ATP6V1C2: variants seen among roughly 807,000 people sequenced by gnomAD.
ATP6V1C2 encodes ATPase H+ transporting V1 subunit C2, also known as V-type proton ATPase subunit C 2.
In ATP6V1C2, 45 loss-of-function variants were observed where a neutral mutation model predicts 56.8. That is an observed-to-expected ratio of 0.79 (90% CI 0.62 to 1.02). The LOEUF is 1.02. Among genes scored for constraint, ATP6V1C2 ranks in the 50% least tolerant of loss-of-function variants. ATP6V1C2 has a pLI of 0.00. For missense variants in ATP6V1C2, 463 were observed against 519.7 expected, an observed-to-expected ratio of 0.89 and a Z score of 1.06; for synonymous variants, 220 against 201.3, an observed-to-expected ratio of 1.09 and a Z score of -0.79.
intron 3 of ATP6V1C2, among the ~76,000 whole-genome samples, chr2:10,740,877 G>A (rs974083988): frequency 4.6e-5 from 7 of 152,294 alleles, no homozygotes; most frequent in East Asian, 1.9e-4. Context: ...AGTAGAGACG[G>A]GGTTTCACCA....
chr2:10,722,759 C>T (rs1259361626), intron 1 of ATP6V1C2, 65 bp from the exon 2 acceptor site: 4 of 1,516,638 alleles, frequency 2.6e-6, no homozygotes, highest in African/African-American at 1.4e-5. Context: ...AGTGGTGAGG[C>T]GGGGATATCT....
chr2:10,758,649 G>C (rs978810309), intron 4 of ATP6V1C2, among the ~76,000 whole-genome samples: 1 of 151,918 alleles, frequency 6.6e-6, no homozygotes, highest in Admixed American at 6.6e-5. Flanking sequence ...AACCAGGCCA[G>C]AGAGACCTTT....
chr2:10,782,527 C>T, intron 13 of ATP6V1C2, 152 bp downstream of exon 13: 1 of 883,238 alleles, frequency 1.1e-6, no homozygotes. Context: ...TGGTAAGACC[C>T]TGTCTCTACT....
intron 2 of ATP6V1C2, 56 bp downstream of exon 2, chr2:10,723,034 G>C: frequency 6.3e-7 from 1 of 1,598,886 alleles, no homozygotes; most frequent in Non-Finnish European, 8.5e-7. Context: ...GGAGACAGGA[G>C]AGGGAGACAG....
At chr2:10,778,776 T>C in intron 12 of ATP6V1C2, 107 bp downstream of exon 12, 2 of 1,067,054 alleles carry the variant, frequency 1.9e-6, no homozygotes, top group Non-Finnish European at 2.9e-6. Flanking sequence ...TCCACCCGTC[T>C]CCTTTCTGAG....
intron 10 of ATP6V1C2, among the ~76,000 whole-genome samples, chr2:10,776,336 G>A (rs946741534): frequency 6.6e-6 from 1 of 152,118 alleles, no homozygotes; most frequent in African/African-American, 2.4e-5. Context: ...CACAGCAAGT[G>A]AGACACACCT....
In ATP6V1C2 at chr2:10,784,459, T is replaced by A. The variant is rs1183943755; in HGVS notation, c.*1196T>A. On this transcript the variant is annotated 3_prime_UTR_variant, in exon 14 of 14. Coordinates refer to ENST00000272238, the MANE Select transcript of ATP6V1C2 (RefSeq NM_001039362.2). ...TCCAGGTTCTCCTCAGTCTGACTCC[T>A]ACCCTGACCTTCGTACCTATGATTA... 2 of 636,302 alleles carry A rather than the reference T, an allele frequency of 3.1e-6. No individual in the cohort carries two copies. The highest frequency in any genetic ancestry group is 3.2e-5 in the Admixed American group (1 of 30,902). 39.4% of individuals were successfully genotyped at this position (636,302 alleles called of 1,614,324 possible).
rs902131 is a variant in ATP6V1C2, at chr2:10,773,444, C to A, written c.638+834C>A. ...GTTGCCCAGGCTGGAGTGCAGTGGC[C>A]CGAGCTCAGCTCACTGCAACCTCCG... On this transcript the variant is annotated intron_variant, in intron 8 of 13. Transcript: ENST00000272238. Among the ~76,000 whole-genome samples the A allele has an allele frequency of 6.5e-3, 987 of 152,302 alleles. 35 individuals are homozygous for A. Among genetic ancestry groups the A allele is most frequent in the Admixed American group, 0.054 (821 of 15,306 alleles).
At chr2:10,734,572 G>A (rs1662152549) in intron 3 of ATP6V1C2, among the ~76,000 whole-genome samples, 1 of 152,178 alleles carries the variant, frequency 6.6e-6, no homozygotes, top group South Asian at 2.1e-4. Flanking sequence ...ACCTGCAAGA[G>A]TTCCAAATGA....
intron 3 of ATP6V1C2, among the ~76,000 whole-genome samples, chr2:10,752,500 T>C (rs1181621234): frequency 1.3e-5 from 2 of 152,224 alleles, no homozygotes; most frequent in Admixed American, 6.5e-5. Flanking sequence ...CCTGAGGCAA[T>C]GATTTGGATC....
chr2:10,730,053 G>A (rs903742427), intron 3 of ATP6V1C2, among the ~76,000 whole-genome samples: 1 of 152,192 alleles, frequency 6.6e-6, no homozygotes, highest in Non-Finnish European at 1.5e-5. Context: ...GTGGAATGGT[G>A]ATATGGCTGC....
rs1471444396 is a variant in ATP6V1C2, at chr2:10,763,022, C to T, written c.284-1309C>T. On this transcript the variant is annotated intron_variant, in intron 4 of 13. Transcript: ENST00000272238. This position sits in a 1 kb window ranked among gnomAD's most constrained non-coding sequence, Gnocchi z 4.2. ...TCTTGTTTGGTGACCCCACTGGGCGCTGCTGTTGGGGTTGGAGGAATCTCA... is the reference window on the plus strand; with the variant it reads ...TCTTGTTTGGTGACCCCACTGGGCGTTGCTGTTGGGGTTGGAGGAATCTCA... 1.3e-5 allele frequency among the ~76,000 whole-genome samples: 2 copies of T among 152,170 alleles called. No homozygotes were observed. The highest frequency in any genetic ancestry group is 2.4e-5 in the African/African-American group (1 of 41,436).
chr2:10,769,133 G>A (rs1039717412), intron 6 of ATP6V1C2, among the ~76,000 whole-genome samples: 1 of 152,252 alleles, frequency 6.6e-6, no homozygotes, highest in Admixed American at 6.5e-5. Flanking sequence ...CTGCACGGAG[G>A]GCCCCCAGGG....
chr2:10,771,699 G>T, intron 6 of ATP6V1C2, 140 bp from the exon 7 acceptor site: 1 of 703,088 alleles, frequency 1.4e-6, no homozygotes, highest in Non-Finnish European at 2.6e-6. Flanking sequence ...GAGAATTGCT[G>T]TGTTCTCCTA....
chr2:10,776,686 C>T (rs983499674), intron 10 of ATP6V1C2, among the ~76,000 whole-genome samples: 11 of 152,238 alleles, frequency 7.2e-5, no homozygotes, highest in African/African-American at 2.7e-4. Context: ...AGCCTCCACA[C>T]CAGGGAGGCC....
chr2:10,749,516 A>G (rs192843476), intron 3 of ATP6V1C2, among the ~76,000 whole-genome samples: 10 of 152,300 alleles, frequency 6.6e-5, no homozygotes, highest in Non-Finnish European at 1.5e-5. Flanking sequence ...CAGACATCAG[A>G]TTGGCAGAGA....
In ATP6V1C2 at chr2:10,780,548, T is replaced by C. The variant is rs2969882; in HGVS notation, c.1062-1695T>C. On this transcript the variant is annotated intron_variant, in intron 12 of 13. Transcript: ENST00000272238. This position sits in a 1 kb window ranked among gnomAD's most constrained non-coding sequence, Gnocchi z 4.1. Reference sequence around the variant, plus strand: ...GCCTGTACCGACACGGATGGCAGCATTGGGTTGGAGGGTGTACCCAGCTCC... The same window carrying C: ...GCCTGTACCGACACGGATGGCAGCACTGGGTTGGAGGGTGTACCCAGCTCC... Among the ~76,000 whole-genome samples the C allele has an allele frequency of 0.26, 39,618 of 152,152 alleles. 5,791 individuals carry two copies. The highest frequency in any genetic ancestry group is 0.4 in the East Asian group (2,039 of 5,156).
chr2:10,764,040 T>C (rs1463435965), intron 4 of ATP6V1C2, among the ~76,000 whole-genome samples: 1 of 152,242 alleles, frequency 6.6e-6, no homozygotes, highest in East Asian at 1.9e-4. Context: ...TGCCGTTTAA[T>C]ATAAACCACA....
intron 4 of ATP6V1C2, among the ~76,000 whole-genome samples, chr2:10,754,962 G>A (rs1374759944): frequency 6.6e-6 from 1 of 151,916 alleles, no homozygotes; most frequent in African/African-American, 2.4e-5. Flanking sequence ...TAACCTCTCA[G>A]GCTCAAGGGG....
Sources: allele counts gnomAD v4.1 joint callset (sites outside exome capture counted in the v4.1 genomes callset), GRCh38; gene constraint gnomAD v4.1.1; non-coding constraint Gnocchi (gnomAD v3.1); transcripts MANE v1.5; gene names NCBI Gene and HGNC (gene_info 2026-07-23, HGNC 2026-07-21).